The following TRHDE variants were observed in gnomAD, a reference collection of about 807,000 sequenced individuals.
TRHDE encodes the protein thyrotropin-releasing hormone-degrading ectoenzyme.
In TRHDE, 72 loss-of-function variants were observed where a neutral mutation model predicts 125.7. The observed-to-expected ratio is 0.57, with a 90% confidence interval of 0.47 to 0.70. The LOEUF (loss-of-function observed/expected upper bound fraction) is 0.70. Ranked by LOEUF, TRHDE falls within the 30% of genes least tolerant of loss-of-function variation. TRHDE has a pLI of 0.00. For synonymous variants in TRHDE, 509 were observed against 509.1 expected, an observed-to-expected ratio of 1.00 and a Z score of 0.00; for missense variants, 1,110 against 1,327.1, an observed-to-expected ratio of 0.84 and a Z score of 2.54.
At chr12:72,402,778 T>C (rs1873097813) in intron 3 of TRHDE, among the ~76,000 whole-genome samples, 1 of 152,220 alleles carries the variant, frequency 6.6e-6, no homozygotes, top group Non-Finnish European at 1.5e-5. Flanking sequence ...TTGATTTTTT[T>C]TTCTGTAGGG....
chr12:72,604,547 T>C (rs377061814), intron 12 of TRHDE, among the ~76,000 whole-genome samples: 1 of 152,066 alleles, frequency 6.6e-6, no homozygotes, highest in East Asian at 1.9e-4. Flanking sequence ...TATCAGTGGT[T>C]CTCTTACTGA....
chr12:72,246,060 A>T (rs1333755916), intron 2 of TRHDE, among the ~76,000 whole-genome samples: 1 of 152,178 alleles, frequency 6.6e-6, no homozygotes, highest in Non-Finnish European at 1.5e-5. Flanking sequence ...TGTGACAAAC[A>T]TTCTTGTGAA....
chr12:72,164,844 A>T (rs116652394), intron 2 of TRHDE, among the ~76,000 whole-genome samples: 5,240 of 152,260 alleles, frequency 0.034, 167 homozygotes, highest in African/African-American at 0.082. Flanking sequence ...AGGGGCACAG[A>T]TGTTTTTCAC....
intron 3 of TRHDE, among the ~76,000 whole-genome samples, chr12:72,440,450 A>G (rs1163522690): frequency 2.6e-5 from 4 of 151,892 alleles, no homozygotes; most frequent in Non-Finnish European, 5.9e-5. Context: ...ATAAATTGGC[A>G]TCTGAGATTT....
At chr12:72,431,002 ACT>A (rs1874453302) in intron 3 of TRHDE, among the ~76,000 whole-genome samples, 1 of 151,504 alleles carries the variant, frequency 6.6e-6, no homozygotes, top group Non-Finnish European at 1.5e-5. Context: ...TAAGCATTTT[ACT>A]CTTTTTGATG....
At chr12:72,208,666 G>C (rs1877717080) in intron 2 of TRHDE, among the ~76,000 whole-genome samples, 1 of 151,988 alleles carries the variant, frequency 6.6e-6, no homozygotes, top group African/African-American at 2.4e-5. Context: ...TATCTCACAG[G>C]GTTTTAGTGA....
intron 7 of TRHDE, among the ~76,000 whole-genome samples, chr12:72,554,475 T>C (rs1869828030): frequency 6.6e-6 from 1 of 152,202 alleles, no homozygotes; most frequent in Non-Finnish European, 1.5e-5. Flanking sequence ...ACCTAGTTTA[T>C]ATATATCTTC....
chr12:72,447,272 T>C, intron 3 of TRHDE, among the ~76,000 whole-genome samples: 1 of 152,034 alleles, frequency 6.6e-6, no homozygotes, highest in East Asian at 1.9e-4. Context: ...GGCTACTGGG[T>C]ACATAACGAA....
At chr12:72,404,583 A>G (rs926873896) in intron 3 of TRHDE, among the ~76,000 whole-genome samples, 3 of 152,224 alleles carry the variant, frequency 2.0e-5, no homozygotes, top group African/African-American at 7.2e-5. Flanking sequence ...GAGCAAAGAA[A>G]CATCTTACAT....
chr12:72,665,105 C>A lies in TRHDE; in HGVS notation c.*1910C>A, dbSNP rs73316891. On this transcript the variant is annotated 3_prime_UTR_variant, in exon 19 of 19. Coordinates refer to ENST00000261180, the MANE Select transcript of TRHDE (RefSeq NM_013381.3). ...GAGTAACTTCTAAAATATAACAATA[C>A]TAAATATCACACTGCGATGGAGGTC... 363 of 152,044 alleles carry A rather than the reference C, an allele frequency of 2.4e-3. 3 individuals carry two copies. Among genetic ancestry groups the A allele is most frequent in the African/African-American group, 8.2e-3 (342 of 41,528 alleles). The allele number at this position is 152,044 out of a possible 1,614,324, so 9.4% of individuals were successfully genotyped here. A position where few individuals can be genotyped will look rare whatever the true frequency, so the allele number is the denominator to read the frequency against.
At chr12:72,606,172 ATG>A (rs758437374) in intron 12 of TRHDE, among the ~76,000 whole-genome samples, 62 of 152,306 alleles carry the variant, frequency 4.1e-4, no homozygotes, top group South Asian at 1.2e-3. Flanking sequence ...GGGCACTTGT[ATG>A]TGGGATTCTC....
At chr12:72,576,780 C>G (rs1871015076) in intron 12 of TRHDE, among the ~76,000 whole-genome samples, 1 of 152,080 alleles carries the variant, frequency 6.6e-6, no homozygotes, top group Non-Finnish European at 1.5e-5. Flanking sequence ...CAGGCATGTA[C>G]AATTTTAGGC....
intron 9 of TRHDE, among the ~76,000 whole-genome samples, chr12:72,566,849 T>G (rs960441796): frequency 2.6e-5 from 4 of 152,008 alleles, no homozygotes; most frequent in Non-Finnish European, 5.9e-5. Flanking sequence ...TTTATGCCTT[T>G]TATTTCATTT....
At chr12:72,187,506 TGGAGGA>T (rs948900502) in intron 2 of TRHDE, among the ~76,000 whole-genome samples, 21 of 132,366 alleles carry the variant, frequency 1.6e-4, no homozygotes, top group African/African-American at 4.6e-4. Context: ...GTGGTGGTGG[TGGAGGA>T]GGAGGAGGAG....
At position 72,602,638 on chromosome 12, in the gene TRHDE, A is replaced by G. The variant is rs529435832; in HGVS notation, c.2322-16253A>G. 3.3e-5 allele frequency among the ~76,000 whole-genome samples: 5 copies of G among 152,276 alleles called. No individual in the cohort carries two copies. In the South Asian group the frequency reaches 6.2e-4, roughly 19 times the overall value. ...ATTGGCTTGGCAACCATTAATTGAG[A>G]CAGCTGGAAAAAAATAATTAAATTC... On this transcript the variant is annotated intron_variant, in intron 12 of 18. Transcript: ENST00000261180.
intron 3 of TRHDE, among the ~76,000 whole-genome samples, chr12:72,406,034 G>T (rs1592421716): frequency 6.6e-6 from 1 of 152,242 alleles, no homozygotes; most frequent in South Asian, 2.1e-4. Context: ...GAAAAAGGAG[G>T]AGGAGAAGAA....
intron 2 of TRHDE, among the ~76,000 whole-genome samples, chr12:72,307,710 T>G (rs1481351632): frequency 1.3e-5 from 2 of 152,200 alleles, no homozygotes; most frequent in Non-Finnish European, 2.9e-5. Context: ...GTTAATATGA[T>G]GCCTACCATT....
chr12:72,246,100 C>T (rs1477196320), intron 2 of TRHDE, among the ~76,000 whole-genome samples: 1 of 152,072 alleles, frequency 6.6e-6, no homozygotes, highest in African/African-American at 2.4e-5. Context: ...TTAATTATTT[C>T]TCAAGAAGGG....
intron 3 of TRHDE, among the ~76,000 whole-genome samples, chr12:72,426,371 T>C (rs1037094008): frequency 3.3e-5 from 5 of 152,152 alleles, no homozygotes; most frequent in Non-Finnish European, 5.9e-5. Context: ...GAGGAAAGTT[T>C]AAAACTCCTA....
Sources: gnomAD v4.1 joint callset for allele counts (sites outside exome capture counted in the v4.1 genomes callset) on GRCh38, gnomAD v4.1.1 for gene constraint, MANE v1.5 for transcripts, NCBI Gene and HGNC (gene_info 2026-07-23, HGNC 2026-07-21) for gene names.